The following IL34 variants were observed in gnomAD, a reference collection of about 807,000 sequenced individuals.
IL34 encodes interleukin-34.
IL34 carries 17 observed loss-of-function variants against 25.3 expected under a neutral mutation model. That is an observed-to-expected ratio of 0.67 (90% CI 0.46 to 1.01). The LOEUF (loss-of-function observed/expected upper bound fraction) is 1.01, where lower values mean the gene tolerates loss of function less well. IL34 is among the 50% of genes least tolerant of loss of function. The probability of loss-of-function intolerance (pLI) is 0.00; values close to 1 mark genes in which losing one functional copy is unlikely to be tolerated. For synonymous variants in IL34, 174 were observed against 140.9 expected (o/e 1.23, Z -1.66); for missense variants, 368 against 312.9 (o/e 1.18, Z -1.33).
In IL34 at chr16:70,646,901, C is replaced by G. The variant is rs868038962; in HGVS notation, c.-47C>G. ...CCGTGCTTAGGCCTCTGTGGACACA[C>G]TGCTGGGGACGGCGCCTGAGCTCTC... is the stretch of plus-strand genomic sequence containing the variant. On this transcript the variant is annotated 5_prime_UTR_variant, in exon 1 of 6. Transcript: ENST00000288098. 41 of 1,475,664 alleles carry G rather than the reference C, an allele frequency of 2.8e-5. No individual in the cohort carries two copies. The highest frequency in any genetic ancestry group is 3.7e-5 in the Non-Finnish European group (41 of 1,118,204). The allele number at this position is 1,475,664 out of a possible 1,614,324, so 91.4% of individuals were successfully genotyped here.
At chr16:70,624,488 T>C (rs1205480476) in intron 1 of IL34, among the ~76,000 whole-genome samples, 1 of 152,158 alleles carries the variant, frequency 6.6e-6, no homozygotes, top group Non-Finnish European at 1.5e-5. Flanking sequence ...GGTAATAAAA[T>C]GTATTTTGAG....
At chr16:70,628,262 T>G (rs1039307291) in intron 1 of IL34, among the ~76,000 whole-genome samples, 4 of 152,222 alleles carry the variant, frequency 2.6e-5, no homozygotes, top group Non-Finnish European at 4.4e-5. Context: ...TTCAGAGAAT[T>G]GGACCTACTT....
At chr16:70,589,278 G>A (rs887767194) in intron 1 of IL34, among the ~76,000 whole-genome samples, 1 of 152,012 alleles carries the variant, frequency 6.6e-6, no homozygotes, top group Admixed American at 6.6e-5. Context: ...AGATTCGGGG[G>A]TACATGTGCA....
chr16:70,585,123 C>T (rs936538421), intron 1 of IL34, among the ~76,000 whole-genome samples: 12 of 152,230 alleles, frequency 7.9e-5, no homozygotes, highest in African/African-American at 2.9e-4. Flanking sequence ...TTCCCTACCC[C>T]CAACCTCTGG....
chr16:70,604,164 G>T lies in IL34; in HGVS notation c.-401+24115G>T, dbSNP rs565509937. Among the ~76,000 whole-genome samples the T allele has an allele frequency of 5.3e-5, 8 of 152,338 alleles. No individual in the cohort carries two copies. The South Asian group carries it at 1.7e-3, about 32-fold the overall frequency. On this transcript the variant is annotated intron_variant, in intron 1 of 6. Coordinates refer to the IL34 transcript ENST00000429149. The stretch of plus-strand genomic sequence containing the variant: ...GCAAATCCAACCATGAACCAGAATA[G>T]CAAAGCCTGTAAGCCAGGCCCTGGG...
intron 1 of IL34, among the ~76,000 whole-genome samples, chr16:70,620,080 G>A (rs947195765): frequency 2.0e-5 from 3 of 152,140 alleles, no homozygotes; most frequent in African/African-American, 7.2e-5. Context: ...CCTTGAAGGC[G>A]AGGTTAATTA....
chr16:70,638,258 C>A (rs932061986), intron 1 of IL34, among the ~76,000 whole-genome samples: 2 of 152,080 alleles, frequency 1.3e-5, no homozygotes, highest in East Asian at 3.9e-4. Flanking sequence ...AGGAGGACCA[C>A]TTGAGCCTGG....
chr16:70,648,552 TAAAAAAAAAA>T (rs56164163), intron 1 of IL34, among the ~76,000 whole-genome samples: 3 of 73,318 alleles, frequency 4.1e-5, no homozygotes, highest in African/African-American at 1.3e-4. Flanking sequence ...ACCCTGTCTT[TAAAAAAAAAA>T]AAAAAAAAAA....
intron 1 of IL34, among the ~76,000 whole-genome samples, chr16:70,619,208 G>A (rs1013368004): frequency 1.3e-5 from 2 of 152,122 alleles, no homozygotes; most frequent in African/African-American, 4.8e-5. Flanking sequence ...GCTGCGGGAT[G>A]GGATATTGGC....
chr16:70,587,537 C>G (rs1428905065), intron 1 of IL34, among the ~76,000 whole-genome samples: 4 of 151,984 alleles, frequency 2.6e-5, no homozygotes, highest in Admixed American at 6.6e-5. Flanking sequence ...TCCCAAAGGG[C>G]TGGGATTACA....
At chr16:70,649,889 C>T (rs1442250469) in intron 1 of IL34, among the ~76,000 whole-genome samples, 1 of 152,216 alleles carries the variant, frequency 6.6e-6, no homozygotes, top group Non-Finnish European at 1.5e-5. Flanking sequence ...TCCTCTGCCT[C>T]TTGGGTTCAG....
At chr16:70,625,550 G>A (rs1299353625) in intron 1 of IL34, among the ~76,000 whole-genome samples, 1 of 152,134 alleles carries the variant, frequency 6.6e-6, no homozygotes, top group East Asian at 1.9e-4. Context: ...CCCCAGAAAA[G>A]CGGGACTTGC....
At chr16:70,612,585 C>A (rs2051106907) in intron 1 of IL34, among the ~76,000 whole-genome samples, 1 of 152,206 alleles carries the variant, frequency 6.6e-6, no homozygotes. Flanking sequence ...TCAGAACCCT[C>A]CCAGAAGCAA....
At position 70,659,388 on chromosome 16, in the gene IL34, G is replaced by A. The variant is rs565195185; in HGVS notation, c.403-230G>A. 2.0e-5 allele frequency among the ~76,000 whole-genome samples: 3 copies of A among 152,336 alleles called. No homozygotes were observed. In the East Asian group the frequency reaches 5.8e-4, roughly 29 times the overall value. ...CTACGCCCTTTACTCATTTTTCAAG[G>A]ATGGAAAAGCGAAGCCTCTGAGTTG... is the stretch of plus-strand genomic sequence containing the variant. On this transcript the variant is annotated intron_variant, in intron 4 of 5. Transcript: ENST00000288098.
intron 1 of IL34, among the ~76,000 whole-genome samples, chr16:70,588,495 CA>C (rs1043893573): frequency 1.2e-3 from 161 of 135,986 alleles, no homozygotes; most frequent in Middle Eastern, 0.011. Flanking sequence ...AACTTCATTT[CA>C]AAAAAAAAAA....
intron 1 of IL34, among the ~76,000 whole-genome samples, chr16:70,598,490 G>T (rs1325240156): frequency 6.6e-6 from 1 of 152,128 alleles, no homozygotes; most frequent in Non-Finnish European, 1.5e-5. Flanking sequence ...TGTAATCCCA[G>T]CACTTTGGGA....
At chr16:70,626,854 G>A (rs1452031558) in intron 1 of IL34, among the ~76,000 whole-genome samples, 1 of 152,044 alleles carries the variant, frequency 6.6e-6, no homozygotes, top group Non-Finnish European at 1.5e-5. Flanking sequence ...TTTATCATAA[G>A]CCATTTATCA....
At chr16:70,642,006 A>G (rs1163708968), upstream of IL34, among the ~76,000 whole-genome samples, 1 of 152,236 alleles carries the variant, frequency 6.6e-6, no homozygotes, top group Non-Finnish European at 1.5e-5. Context: ...TAAAAAGAGT[A>G]AAGTACGGAT....
intron 4 of IL34, chr16:70,657,339 C>T: frequency 3.6e-6 from 2 of 559,540 alleles, no homozygotes; most frequent in Non-Finnish European, 6.4e-6. Flanking sequence ...GCTCGGGGTG[C>T]AGGCGATGCC....
Sources: gnomAD v4.1 joint callset for allele counts (sites outside exome capture counted in the v4.1 genomes callset) on GRCh38, gnomAD v4.1.1 for gene constraint, MANE v1.5 for transcripts, NCBI Gene and HGNC (gene_info 2026-07-23, HGNC 2026-07-21) for gene names.